The following ZNF737 variants were observed in gnomAD, a reference collection of about 807,000 sequenced individuals.
The protein encoded by ZNF737 is zinc finger protein 737.
In ZNF737, 13 loss-of-function variants were observed where a neutral mutation model predicts 11.7. The observed-to-expected ratio is 1.11, with a 90% CI of 0.73 to 1.77. The LOEUF is 1.77. ZNF737 is among the 40% of genes most tolerant of loss of function. The pLI is 0.00. For synonymous variants in ZNF737, 217 were observed against 216.2 expected, an observed-to-expected ratio of 1.00 and a Z score of -0.03; for missense variants, 636 against 638.0, an observed-to-expected ratio of 1.00 and a Z score of 0.03.
chr19:20,532,170 T>C (rs1223482820), downstream of ZNF737, among the ~76,000 whole-genome samples: 5 of 150,036 alleles, frequency 3.3e-5, 1 homozygote. Flanking sequence ...ACCTACCATT[T>C]GGGGCCTGTC....
chr19:20,541,639 T>G lies in ZNF737; in HGVS notation c.*2953A>C, dbSNP rs1359810506. On this transcript the variant is annotated 3_prime_UTR_variant, in exon 4 of 4. Transcript: ENST00000427401. ...CAAGGTTTCACCACGTTGGCCAGGC[T>G]GGCCTTGAACTCCTAACCTCAAGCA... Among the ~76,000 whole-genome samples, 2 of 152,158 alleles carry G rather than the reference T, an allele frequency of 1.3e-5. No individual in the cohort carries two copies. Among genetic ancestry groups the G allele is most frequent in the African/African-American group, 2.4e-5 (1 of 41,448 alleles).
At chr19:20,533,022 A>G (rs1207209830), downstream of ZNF737, among the ~76,000 whole-genome samples, 2 of 150,240 alleles carry the variant, frequency 1.3e-5, no homozygotes, top group African/African-American at 2.5e-5. Flanking sequence ...TGAAAGTTCT[A>G]AAGAGAAAGA....
At position 20,540,924 on chromosome 19, in the gene ZNF737, C is replaced by T. The variant is rs1599398150; in HGVS notation, c.*3668G>A. 1 of 970,502 alleles carries T rather than the reference C, an allele frequency of 1.0e-6. No homozygotes were observed. Among genetic ancestry groups the T allele is most frequent in the Non-Finnish European group, 1.2e-6 (1 of 816,570 alleles). The allele number at this position is 970,502 out of a possible 1,614,324, so 60.1% of individuals were successfully genotyped here. A position where few individuals can be genotyped will look rare whatever the true frequency, so the allele number is the denominator to read the frequency against. ...TTTATACATTCACACACACATAGAA[C>T]AATAAAAATATATCCAATTATTCAA... is the stretch of plus-strand genomic sequence containing the variant. On this transcript the variant is annotated 3_prime_UTR_variant, in exon 4 of 4. Transcript: ENST00000427401.
At chr19:20,565,233 C>CCGGG (rs1969251689) in intron 1 of ZNF737, among the ~76,000 whole-genome samples, 4 of 152,168 alleles carry the variant, frequency 2.6e-5, no homozygotes, top group African/African-American at 9.7e-5. Context: ...CTGCGCCCGG[C>CCGGG]CCCATAAATT....
chr19:20,534,499 A>T (rs1248749510), downstream of ZNF737, among the ~76,000 whole-genome samples: 12 of 149,002 alleles, frequency 8.1e-5, no homozygotes, highest in African/African-American at 3.0e-4. Context: ...CTACTGTCAG[A>T]GGATGATAAC....
chr19:20,539,910 T>G lies in ZNF737; in HGVS notation c.*4682A>C. On this transcript the variant is annotated 3_prime_UTR_variant, in exon 4 of 4. Transcript: ENST00000427401. ...CCAGAGGCTGATCATTCACTACAGC[T>G]TACTAAATACTGTTCCATAATGCCA... is the stretch of plus-strand genomic sequence containing the variant. 1.0e-6 allele frequency: 1 copy of G among 983,740 alleles called. No individual in the cohort carries two copies. The highest frequency in any genetic ancestry group is 4.7e-5 in the South Asian group (1 of 21,174). The allele number at this position is 983,740 out of a possible 1,614,324, so 60.9% of individuals were successfully genotyped here.
chr19:20,551,964 GA>G (rs34524374), intron 3 of ZNF737, among the ~76,000 whole-genome samples: 96,009 of 140,232 alleles, frequency 0.68, 33,970 homozygotes, highest in African/African-American at 0.91. Flanking sequence ...AAGCAATCTT[GA>G]AAAAAAAAAA....
chr19:20,547,712 T>TA (rs36126400), intron 3 of ZNF737, among the ~76,000 whole-genome samples: 92,192 of 151,884 alleles, frequency 0.61, 28,343 homozygotes, highest in East Asian at 0.75. Context: ...ATACAGAAAT[T>TA]AAAAAAACAC....
intron 1 of ZNF737, among the ~76,000 whole-genome samples, chr19:20,554,587 C>G (rs1968813904): frequency 6.6e-6 from 1 of 152,172 alleles, no homozygotes; most frequent in African/African-American, 2.4e-5. Context: ...ATTAACTTCA[C>G]TAGAAGAAAT....
At chr19:20,531,650 C>CTT (rs1967831681), downstream of ZNF737, among the ~76,000 whole-genome samples, 3 of 149,736 alleles carry the variant, frequency 2.0e-5, 1 homozygote, top group East Asian at 6.0e-4. Context: ...TAAAGATAGG[C>CTT]TTTCACTATG....
At chr19:20,533,850 C>G (rs1484114158), downstream of ZNF737, among the ~76,000 whole-genome samples, 1 of 150,044 alleles carries the variant, frequency 6.7e-6, no homozygotes, top group Admixed American at 6.6e-5. Flanking sequence ...TTCACCTGGA[C>G]TGATCAGTTG....
chr19:20,546,840 A>T (rs2144628647), intron 3 of ZNF737, among the ~76,000 whole-genome samples: 1 of 152,344 alleles, frequency 6.6e-6, no homozygotes, highest in East Asian at 1.9e-4. Context: ...CAATTATGCC[A>T]CTGCACTGCA....
intron 1 of ZNF737, among the ~76,000 whole-genome samples, chr19:20,554,164 A>G (rs1254286786): frequency 1.3e-5 from 2 of 152,228 alleles, no homozygotes; most frequent in Non-Finnish European, 2.9e-5. Flanking sequence ...TGACAAAGAC[A>G]TGTTGAGTTT....
At chr19:20,537,780 G>T (rs542789429), downstream of ZNF737, among the ~76,000 whole-genome samples, 1 of 152,156 alleles carries the variant, frequency 6.6e-6, no homozygotes, top group Non-Finnish European at 1.5e-5. Context: ...CTCCCAAAGT[G>T]CTGGGATTAC....
chr19:20,547,687 C>G (rs1279820484), intron 3 of ZNF737, among the ~76,000 whole-genome samples: 2 of 142,616 alleles, frequency 1.4e-5, no homozygotes, highest in Non-Finnish European at 3.0e-5. Flanking sequence ...AAAGAACATA[C>G]AAAATCATTA....
rs782272026 is a variant in ZNF737, at chr19:20,553,692, A to G, written c.130+17T>C. 1.9e-6 allele frequency: 3 copies of G among 1,610,092 alleles called. No individual in the cohort carries two copies. In the Admixed American group the frequency reaches 5.0e-5, roughly 27 times the overall value. On this transcript the variant is annotated intron_variant, in intron 2 of 3. Transcript: ENST00000427401. ...CTTTTGTGTATATTATGAATTATGTATTAAAGTTTTTCTCACCAAGGAAGA... is the reference window on the plus strand; with the variant it reads ...CTTTTGTGTATATTATGAATTATGTGTTAAAGTTTTTCTCACCAAGGAAGA...
Position 20,543,825 on chromosome 19 carries a change from TC to T in ZNF737, c.*766del. On this transcript the variant is annotated 3_prime_UTR_variant, in exon 4 of 4. Coordinates refer to ENST00000427401, the MANE Select transcript of ZNF737 (RefSeq NM_001159293.2). Reference sequence around the variant, plus strand: ...CTTCAACATGAATTATTGCCATGCCTCTTAAGAATTGAGAACTTGTGGCTGG... The same window carrying T: ...CTTCAACATGAATTATTGCCATGCCTTTAAGAATTGAGAACTTGTGGCTGG... The T allele has an allele frequency of 7.1e-6, 7 of 985,444 alleles. No homozygotes were observed. Among genetic ancestry groups the T allele is most frequent in the Non-Finnish European group, 8.4e-6 (7 of 829,938 alleles). 61.0% of individuals were successfully genotyped at this position (985,444 alleles called of 1,614,324 possible).
chr19:20,560,507 G>A (rs1284594064), intron 1 of ZNF737, among the ~76,000 whole-genome samples: 2 of 152,088 alleles, frequency 1.3e-5, no homozygotes, highest in East Asian at 1.9e-4. Context: ...GAGGCCTGGC[G>A]CAGTGGCTCA....
Position 20,538,050 on chromosome 19 carries a change from A to G in ZNF737, c.*6542T>C, listed in dbSNP as rs1968049546. The G allele has an allele frequency of 1.0e-6, 1 of 983,546 alleles. No homozygotes were observed. Among genetic ancestry groups the G allele is most frequent in the African/African-American group, 1.7e-5 (1 of 57,338 alleles). The allele number at this position is 983,546 out of a possible 1,614,324, so 60.9% of individuals were successfully genotyped here. On this transcript the variant is annotated 3_prime_UTR_variant, in exon 4 of 4. Coordinates refer to ENST00000427401, the MANE Select transcript of ZNF737 (RefSeq NM_001159293.2). ...AAGTGTATTAACCATGTTTTCAGTA[A>G]TCACTCTGAACACAGCATTCTCAGT...
Sources: allele counts gnomAD v4.1 joint callset (sites outside exome capture counted in the v4.1 genomes callset), GRCh38; gene constraint gnomAD v4.1.1; transcripts MANE v1.5; gene names NCBI Gene and HGNC (gene_info 2026-07-23, HGNC 2026-07-21).